TENM3: variants seen among roughly 807,000 people sequenced by gnomAD.
The protein encoded by TENM3 is teneurin-3.
A neutral mutation model predicts 255.1 loss-of-function variants in TENM3; 63 were observed. That is an observed-to-expected ratio of 0.25 (90% CI 0.20 to 0.30). TENM3 has a LOEUF of 0.30. TENM3 is among the 10% of genes least tolerant of loss of function. The pLI is 1.00. For missense variants in TENM3, 2,929 were observed against 3,461.1 expected (o/e 0.85, Z 3.86); for synonymous variants, 1,306 against 1,322.3 (o/e 0.99, Z 0.27).
At chr4:182,461,608 C>T (rs1731994256) in intron 3 of TENM3, among the ~76,000 whole-genome samples, 1 of 152,126 alleles carries the variant, frequency 6.6e-6, no homozygotes, top group Non-Finnish European at 1.5e-5. Context: ...ATTATAAAAG[C>T]AAGGTAGTAT....
intron 3 of TENM3, among the ~76,000 whole-genome samples, chr4:182,386,885 CT>C (rs1767978218): frequency 6.6e-6 from 1 of 152,242 alleles, no homozygotes; most frequent in Non-Finnish European, 1.5e-5. Flanking sequence ...ATGCCGCCCC[CT>C]GTTCCACGGC....
chr4:182,725,507 C>A (rs1255334511), intron 13 of TENM3, among the ~76,000 whole-genome samples: 2 of 152,036 alleles, frequency 1.3e-5, no homozygotes, highest in African/African-American at 4.8e-5. Flanking sequence ...GTCTTTCTTC[C>A]ACTAGAAATA....
chr4:181,674,415 G>GA, the TENM3 span, among the ~76,000 whole-genome samples: 6,907 of 146,906 alleles, frequency 0.047, 174 homozygotes, highest in Middle Eastern at 0.077. Context: ...CATGGTCTAT[G>GA]AAAAAAAAAA....
chr4:181,560,145 C>T, the TENM3 span, among the ~76,000 whole-genome samples: 1 of 152,172 alleles, frequency 6.6e-6, no homozygotes, highest in Non-Finnish European at 1.5e-5. Context: ...AAGGTTTAGG[C>T]ACTAGCAGAC....
Position 182,800,006 on chromosome 4 carries a change from G to A in TENM3, c.7755G>A (p.Val2585=), listed in dbSNP as rs997154025. The A allele has an allele frequency of 6.3e-7, 1 of 1,594,570 alleles. No homozygotes were observed. Among genetic ancestry groups the A allele is most frequent in the Non-Finnish European group, 8.5e-7 (1 of 1,171,416 alleles). The change falls in exon 28 of 28, where the codon GTG becomes GTA. Residue 2585 remains valine (V), a synonymous_variant. Coordinates refer to ENST00000511685, the MANE Select transcript of TENM3 (RefSeq NM_001080477.4). ...INVTVSQSTT[V]VNGRTRRFAD... ...TGACGGTGTCGCAGTCCACCACGGT[G>A]GTGAACGGCAGGACGCGCAGGTTCG... is the stretch of plus-strand genomic sequence containing the variant.
intron 18 of TENM3, among the ~76,000 whole-genome samples, chr4:182,742,874 T>A (rs1761714360): frequency 6.6e-6 from 1 of 152,228 alleles, no homozygotes; most frequent in Non-Finnish European, 1.5e-5. Flanking sequence ...CCATGACTGA[T>A]CATCACTGAT....
chr4:181,574,884 A>G, the TENM3 span, among the ~76,000 whole-genome samples: 1 of 152,188 alleles, frequency 6.6e-6, no homozygotes, highest in Admixed American at 6.5e-5. Context: ...GATTAGGTCA[A>G]TAATTATGGA....
intron 1 of TENM3, among the ~76,000 whole-genome samples, chr4:182,236,207 A>G (rs1756893247): frequency 1.3e-5 from 2 of 152,370 alleles, no homozygotes; most frequent in Non-Finnish European, 1.5e-5. Context: ...ATAACTAAAC[A>G]AGTAATATAT....
At chr4:181,978,977 GAA>G in the TENM3 span, among the ~76,000 whole-genome samples, 16 of 129,358 alleles carry the variant, frequency 1.2e-4, no homozygotes, top group Admixed American at 2.3e-4. Flanking sequence ...TTGCTTAAGT[GAA>G]AAAAAAAAAA....
At chr4:181,479,726 C>A in the TENM3 span, among the ~76,000 whole-genome samples, 1 of 152,000 alleles carries the variant, frequency 6.6e-6, no homozygotes, top group Admixed American at 6.6e-5. Flanking sequence ...TTGAACTGTT[C>A]TCCATGTATG....
chr4:182,725,660 G>C (rs1238599566), intron 13 of TENM3, among the ~76,000 whole-genome samples: 1 of 129,812 alleles, frequency 7.7e-6, no homozygotes, highest in Non-Finnish European at 1.6e-5. Context: ...CTTTGAGACG[G>C]AGTCTTGCTC....
chr4:182,679,634 T>C (rs1472142528), intron 7 of TENM3, 32 bp from the exon 8 acceptor site: 3 of 1,560,874 alleles, frequency 1.9e-6, no homozygotes, highest in Non-Finnish European at 2.6e-6. Context: ...ACCCTTTATC[T>C]TTCTGACTAT....
the TENM3 span, among the ~76,000 whole-genome samples, chr4:181,797,496 T>C: frequency 2.0e-5 from 3 of 152,166 alleles, no homozygotes; most frequent in Non-Finnish European, 4.4e-5. Flanking sequence ...ATTCAGTCCT[T>C]CAGCAAAACA....
At chr4:182,386,879 C>T (rs1246562745) in intron 3 of TENM3, among the ~76,000 whole-genome samples, 7 of 152,236 alleles carry the variant, frequency 4.6e-5, no homozygotes, top group Non-Finnish European at 8.8e-5. Context: ...CGACGAATGC[C>T]GCCCCCTGTT....
chr4:181,869,242 T>G, the TENM3 span, among the ~76,000 whole-genome samples: 2 of 152,286 alleles, frequency 1.3e-5, no homozygotes, highest in South Asian at 2.1e-4. Context: ...TTCTTGACTT[T>G]GCTCTTAAAT....
At chr4:181,598,176 T>C in the TENM3 span, among the ~76,000 whole-genome samples, 1 of 152,222 alleles carries the variant, frequency 6.6e-6, no homozygotes, top group African/African-American at 2.4e-5. Flanking sequence ...ATGATCTACT[T>C]TTTCTTCTAC....
chr4:182,294,327 T>G (rs1018368152), intron 1 of TENM3, among the ~76,000 whole-genome samples: 4 of 152,102 alleles, frequency 2.6e-5, no homozygotes, highest in Non-Finnish European at 5.9e-5. Flanking sequence ...AGATCCCAGG[T>G]GGAAGATTCT....
intron 3 of TENM3, among the ~76,000 whole-genome samples, chr4:182,577,039 C>T (rs914363323): frequency 1.6e-4 from 25 of 152,164 alleles, no homozygotes; most frequent in African/African-American, 5.1e-4. Context: ...GTCTGAACCA[C>T]GGCAGCTTCG....
At chr4:182,008,401 G>A in the TENM3 span, among the ~76,000 whole-genome samples, 40 of 151,948 alleles carry the variant, frequency 2.6e-4, 1 homozygote, top group East Asian at 7.6e-3. Flanking sequence ...TTTTTATGAA[G>A]TCCCATATTT....
Sources: allele counts gnomAD v4.1 joint callset (sites outside exome capture counted in the v4.1 genomes callset), GRCh38; gene constraint gnomAD v4.1.1; transcripts MANE v1.5; gene names NCBI Gene and HGNC (gene_info 2026-07-23, HGNC 2026-07-21).